The following KCNK10 variants were observed in gnomAD, a reference collection of about 807,000 sequenced individuals.
KCNK10 encodes potassium channel subfamily K member 10.
KCNK10 carries 25 observed loss-of-function variants against 47.7 expected under a neutral mutation model. The ratio of observed to expected loss-of-function variants is 0.52; its 90% confidence interval spans 0.38 to 0.73. The LOEUF is 0.73. Ranked by LOEUF, KCNK10 falls within the 30% of genes least tolerant of loss-of-function variation. The pLI, the probability that KCNK10 is intolerant of heterozygous loss-of-function variation, is 0.00. For synonymous variants in KCNK10, 303 were observed against 285.6 expected, an observed-to-expected ratio of 1.06 and a Z score of -0.61; for missense variants, 563 against 714.5, an observed-to-expected ratio of 0.79 and a Z score of 2.42.
intron 1 of KCNK10, among the ~76,000 whole-genome samples, chr14:88,298,939 T>C (rs1888040933): frequency 6.6e-6 from 1 of 152,080 alleles, no homozygotes. Context: ...ATGATGCCCT[T>C]CCCTCTGCTG....
intron 5 of KCNK10, among the ~76,000 whole-genome samples, chr14:88,190,818 GC>G (rs1215320463): frequency 6.6e-6 from 1 of 152,116 alleles, no homozygotes; most frequent in Non-Finnish European, 1.5e-5. Flanking sequence ...AGGCACGCAT[GC>G]CCCTATTGAT....
chr14:88,314,084 T>G (rs12586737), intron 1 of KCNK10, among the ~76,000 whole-genome samples: 29,829 of 152,172 alleles, frequency 0.2, 3,129 homozygotes, highest in East Asian at 0.28. Context: ...AGAAAACTAA[T>G]GCTAGGAAAG....
intron 4 of KCNK10, among the ~76,000 whole-genome samples, chr14:88,205,999 C>T (rs570944424): frequency 6.6e-6 from 1 of 152,024 alleles, no homozygotes; most frequent in Non-Finnish European, 1.5e-5. Flanking sequence ...AGTAAAGGTA[C>T]ATAACATAGA....
chr14:88,214,807 A>G (rs1281419415), intron 4 of KCNK10, among the ~76,000 whole-genome samples: 1 of 152,224 alleles, frequency 6.6e-6, no homozygotes, highest in Non-Finnish European at 1.5e-5. Flanking sequence ...TTTAAAGCAG[A>G]TGAAGACAGG....
chr14:88,305,925 C>T (rs138595504), intron 1 of KCNK10, among the ~76,000 whole-genome samples: 21 of 152,330 alleles, frequency 1.4e-4, no homozygotes, highest in East Asian at 9.6e-4. Flanking sequence ...GGGGTGTTTA[C>T]GCACCATCTT....
At chr14:88,219,002 G>A (rs1885712777) in intron 4 of KCNK10, among the ~76,000 whole-genome samples, 1 of 151,236 alleles carries the variant, frequency 6.6e-6, no homozygotes, top group Admixed American at 6.6e-5. Context: ...AATATTTTCA[G>A]CCCATCTGGA....
upstream of KCNK10, among the ~76,000 whole-genome samples, chr14:88,324,830 C>T (rs1888628412): frequency 1.3e-5 from 2 of 152,160 alleles, no homozygotes; most frequent in African/African-American, 4.8e-5. Context: ...ACTATCACAT[C>T]AAGGTTTCTG....
chr14:88,238,533 G>A (rs1886360975), intron 3 of KCNK10, among the ~76,000 whole-genome samples: 1 of 152,158 alleles, frequency 6.6e-6, no homozygotes, highest in Non-Finnish European at 1.5e-5. Context: ...AAATTAGCCA[G>A]GAATGGTGAT....
At chr14:88,276,039 G>A (rs1887519115) in intron 1 of KCNK10, among the ~76,000 whole-genome samples, 1 of 152,146 alleles carries the variant, frequency 6.6e-6, no homozygotes, top group Admixed American at 6.5e-5. Context: ...CTCCACTACA[G>A]CTGAGTCTCC....
At chr14:88,220,233 C>T (rs191977935) in intron 4 of KCNK10, among the ~76,000 whole-genome samples, 1,688 of 151,052 alleles carry the variant, frequency 0.011, 34 homozygotes, top group African/African-American at 0.039. Context: ...CCGGCTAAAA[C>T]GGTGAAACCC....
chr14:88,188,985 C>T (rs1030600353), intron 5 of KCNK10, among the ~76,000 whole-genome samples: 1 of 152,230 alleles, frequency 6.6e-6, no homozygotes, highest in Non-Finnish European at 1.5e-5. Context: ...TAACGGACAT[C>T]AGCCTCAATC....
chr14:88,199,730 C>G (rs889496775), intron 4 of KCNK10, among the ~76,000 whole-genome samples: 1 of 152,198 alleles, frequency 6.6e-6, no homozygotes, highest in Admixed American at 6.5e-5. Flanking sequence ...TGATCCCTAT[C>G]CCCACTCCCA....
At chr14:88,320,780 G>C (rs74069546) in intron 1 of KCNK10, among the ~76,000 whole-genome samples, 1 of 152,148 alleles carries the variant, frequency 6.6e-6, no homozygotes, top group Non-Finnish European at 1.5e-5. Context: ...GAGCCACACA[G>C]CACTTGTTTT....
intron 2 of KCNK10, among the ~76,000 whole-genome samples, chr14:88,255,999 C>G (rs771873878): frequency 6.6e-6 from 1 of 152,170 alleles, no homozygotes; most frequent in African/African-American, 2.4e-5. Flanking sequence ...ATTATTACAC[C>G]AGCTCTGCAG....
chr14:88,193,310 A>C (rs1174359764), intron 4 of KCNK10, among the ~76,000 whole-genome samples: 1 of 152,212 alleles, frequency 6.6e-6, no homozygotes, highest in Non-Finnish European at 1.5e-5. Context: ...AATGGGAATT[A>C]GACTGATACT....
chr14:88,239,493 C>T (rs999583998), intron 3 of KCNK10, among the ~76,000 whole-genome samples: 1 of 152,138 alleles, frequency 6.6e-6, no homozygotes, highest in African/African-American at 2.4e-5. Flanking sequence ...TATCATCACC[C>T]GTTATAGGGA....
intron 1 of KCNK10, among the ~76,000 whole-genome samples, chr14:88,268,633 T>C (rs1887332828): frequency 1.3e-5 from 2 of 152,182 alleles, no homozygotes; most frequent in South Asian, 2.1e-4. Flanking sequence ...CAAATAGGCA[T>C]TAAAAATATT....
chr14:88,300,230 A>C (rs1395387006), intron 1 of KCNK10, among the ~76,000 whole-genome samples: 1 of 152,030 alleles, frequency 6.6e-6, no homozygotes, highest in Non-Finnish European at 1.5e-5. Flanking sequence ...TTCTCCACCA[A>C]TCCACATACA....
Position 88,185,805 on chromosome 14 carries a change from G to A in KCNK10, c.1362C>T (p.Ser454=). The A allele has an allele frequency of 1.2e-6, 2 of 1,614,208 alleles. No homozygotes were observed. Among genetic ancestry groups the A allele is most frequent in the East Asian group, 2.2e-5 (1 of 44,884 alleles). The change falls in exon 7 of 7, where the codon TCC becomes TCT. Residue 454 remains serine, a synonymous_variant. Transcript: ENST00000319231. The surrounding 1 kb of genome is among the most constrained non-coding windows in gnomAD (Gnocchi z 4.3). The stretch of plus-strand genomic sequence containing the variant: ...TTTTCCTCTTGGTGAGTCTGGAGGT[G>A]GACCCGAACTTGTTGATGATGTTGT... The part of the protein sequence containing the change: ...SEDNIINKFG[S]TSRLTKRKNK...
Sources: gnomAD v4.1 joint callset for allele counts (sites outside exome capture counted in the v4.1 genomes callset) on GRCh38, gnomAD v4.1.1 for gene constraint, Gnocchi (gnomAD v3.1) non-coding constraint, MANE v1.5 for transcripts, NCBI Gene and HGNC (gene_info 2026-07-23, HGNC 2026-07-21) for gene names.